Variants in SLCO4C1 observed in about 807,000 individuals in gnomAD.
SLCO4C1 encodes organic anion transporter M1.
Under a neutral mutation model 72.1 loss-of-function variants are expected in SLCO4C1, and 58 were observed. That is an observed-to-expected ratio of 0.80 (90% CI 0.65 to 1.00). The LOEUF (loss-of-function observed/expected upper bound fraction) is 1.00. SLCO4C1 is among the 50% of genes least tolerant of loss of function. The pLI, the probability that SLCO4C1 is intolerant of heterozygous loss-of-function variation, is 0.00. For synonymous variants in SLCO4C1, 297 were observed against 312.5 expected (o/e 0.95, Z 0.52); for missense variants, 898 against 857.9 (o/e 1.05, Z -0.58).
intron 3 of SLCO4C1, among the ~76,000 whole-genome samples, chr5:102,267,122 G>A (rs1328008831): frequency 6.6e-6 from 1 of 152,076 alleles, no homozygotes. Context: ...TTTGGCATCA[G>A]GGTAATACTG....
At chr5:102,282,752 T>C (rs966137850) in intron 2 of SLCO4C1, among the ~76,000 whole-genome samples, 1 of 152,042 alleles carries the variant, frequency 6.6e-6, no homozygotes, top group Admixed American at 6.6e-5. Flanking sequence ...TGTGAATGTG[T>C]GCATGAATGT....
At chr5:102,243,262 C>G (rs776662124) in intron 10 of SLCO4C1, among the ~76,000 whole-genome samples, 1 of 152,200 alleles carries the variant, frequency 6.6e-6, no homozygotes, top group Non-Finnish European at 1.5e-5. Context: ...CCCACCAGTG[C>G]CTGTAGGACC....
intron 2 of SLCO4C1, among the ~76,000 whole-genome samples, chr5:102,281,793 T>C (rs748071150): frequency 1.3e-5 from 2 of 152,122 alleles, no homozygotes; most frequent in Non-Finnish European, 2.9e-5. Flanking sequence ...GAGTCACTCA[T>C]ACATTGCTGA....
At chr5:102,294,343 G>A (rs1212957864) in intron 1 of SLCO4C1, among the ~76,000 whole-genome samples, 1 of 152,208 alleles carries the variant, frequency 6.6e-6, no homozygotes, top group Non-Finnish European at 1.5e-5. Flanking sequence ...ACCATGCCCA[G>A]CCTATTGGGT....
At chr5:102,241,982 A>C (rs554056004) in intron 10 of SLCO4C1, among the ~76,000 whole-genome samples, 178 of 152,306 alleles carry the variant, frequency 1.2e-3, no homozygotes, top group African/African-American at 4.0e-3. Flanking sequence ...CTCAGACACC[A>C]CACCTCCCAA....
intron 1 of SLCO4C1, among the ~76,000 whole-genome samples, chr5:102,293,972 G>C (rs1035563331): frequency 1.3e-5 from 2 of 152,106 alleles, no homozygotes; most frequent in East Asian, 3.9e-4. Context: ...GCAATGACAC[G>C]ATCTCGGTCC....
chr5:102,257,570 C>T (rs990513157), intron 7 of SLCO4C1, among the ~76,000 whole-genome samples: 4 of 150,914 alleles, frequency 2.7e-5, no homozygotes, highest in Non-Finnish European at 5.9e-5. Context: ...CAAAAGATTG[C>T]CTAATGTCAG....
chr5:102,240,623 A>G (rs1748521630), intron 11 of SLCO4C1, 95 bp downstream of exon 11: 6 of 915,778 alleles, frequency 6.6e-6, no homozygotes, highest in South Asian at 1.5e-5. Context: ...CTTCCACTAT[A>G]ATTTTTTTTG....
intron 10 of SLCO4C1, among the ~76,000 whole-genome samples, chr5:102,243,510 A>G (rs1308360754): frequency 6.6e-6 from 1 of 152,196 alleles, no homozygotes; most frequent in African/African-American, 2.4e-5. Flanking sequence ...AGGGAGAGAG[A>G]CTGCAAAAAC....
chr5:102,250,868 G>A (rs1289720962), intron 8 of SLCO4C1, among the ~76,000 whole-genome samples: 4 of 151,830 alleles, frequency 2.6e-5, no homozygotes, highest in Non-Finnish European at 5.9e-5. Context: ...GGCACCTGTA[G>A]TCCCAGTTCT....
At chr5:102,246,614 A>C (rs1255201862) in intron 10 of SLCO4C1, among the ~76,000 whole-genome samples, 1 of 152,180 alleles carries the variant, frequency 6.6e-6, no homozygotes, top group East Asian at 1.9e-4. Flanking sequence ...CTGAGCTTAA[A>C]ATAAAAATTA....
intron 11 of SLCO4C1, 78 bp from the exon 12 acceptor site, chr5:102,239,466 C>A: frequency 2.0e-6 from 2 of 1,014,616 alleles, no homozygotes; most frequent in Non-Finnish European, 2.7e-6. Flanking sequence ...CATGATCATA[C>A]ATATATTTTA....
chr5:102,253,554 C>T (rs998507899), intron 8 of SLCO4C1, among the ~76,000 whole-genome samples: 4 of 152,066 alleles, frequency 2.6e-5, no homozygotes, highest in Admixed American at 2.6e-4. Context: ...CACCTGTAAT[C>T]CCAGCACTTT....
At chr5:102,264,880 T>C (rs1027381981) in intron 3 of SLCO4C1, among the ~76,000 whole-genome samples, 2 of 152,024 alleles carry the variant, frequency 1.3e-5, no homozygotes, top group African/African-American at 4.8e-5. Context: ...GAACATGCAA[T>C]ATTTATCTTC....
intron 6 of SLCO4C1, among the ~76,000 whole-genome samples, 158 bp from the exon 7 acceptor site, chr5:102,258,245 G>T (rs1316858907): frequency 2.0e-5 from 3 of 152,008 alleles, no homozygotes; most frequent in African/African-American, 7.3e-5. Flanking sequence ...ATAATTAATA[G>T]AATTACACAT....
intron 2 of SLCO4C1, among the ~76,000 whole-genome samples, chr5:102,277,304 A>C (rs1229006988): frequency 1.3e-5 from 2 of 152,036 alleles, no homozygotes; most frequent in Admixed American, 1.3e-4. Context: ...GTGTCAGAGA[A>C]GGATGAGAAG....
intron 10 of SLCO4C1, among the ~76,000 whole-genome samples, chr5:102,244,393 G>A (rs372874156): frequency 6.6e-6 from 1 of 152,084 alleles, no homozygotes. Flanking sequence ...ACAGCATCTA[G>A]AAAATAGCCT....
rs115008850 is a variant in SLCO4C1, at chr5:102,239,266, T to G, written c.1999A>C (p.Met667Leu). 2,677 of 1,586,546 alleles carry G rather than the reference T, an allele frequency of 1.7e-3. 48 individuals are homozygous for G. In the African/African-American group the frequency reaches 0.032, roughly 19 times the overall value. ...WIYDNIKMAH[M>L]LVAISVTCKV... ...CACCACTTACTTATGGCTACTAGCA[T>G]ATGGGCCATCTTGATGTTATCATAA... Residue 667 changes from methionine to leucine, a missense_variant, in exon 12 of 13, where the codon ATG becomes CTG. Met to Leu is a conservative substitution (Grantham distance 15, BLOSUM62 2). Coordinates refer to ENST00000310954, the MANE Select transcript of SLCO4C1 (RefSeq NM_180991.5).
Position 102,296,280 on chromosome 5 carries a change from C to T in SLCO4C1, c.-18G>A. The T allele has an allele frequency of 6.6e-7, 1 of 1,506,948 alleles. No individual in the cohort carries two copies. The allele number at this position is 1,506,948 out of a possible 1,614,324, so 93.3% of individuals were successfully genotyped here. ...CTCTTCATGTCTGGATGGGTTCTCC[C>T]GACTCCGGTGCTTCAGAGCAGCAGA... On this transcript the variant is annotated 5_prime_UTR_variant, in exon 1 of 13. Coordinates refer to ENST00000310954, the MANE Select transcript of SLCO4C1 (RefSeq NM_180991.5).
Sources: allele counts gnomAD v4.1 joint callset (sites outside exome capture counted in the v4.1 genomes callset), GRCh38; gene constraint gnomAD v4.1.1; transcripts MANE v1.5; gene names NCBI Gene and HGNC (gene_info 2026-07-23, HGNC 2026-07-21).